The following NELL2 variants were observed in gnomAD, a reference collection of about 807,000 sequenced individuals.
NELL2 encodes protein kinase C-binding protein NELL2.
In NELL2, 41 loss-of-function variants were observed where a neutral mutation model predicts 109.6. The ratio of observed to expected loss-of-function variants is 0.37; its 90% CI spans 0.29 to 0.49. NELL2 has a LOEUF of 0.49. Ranked by LOEUF, NELL2 falls within the 20% of genes least tolerant of loss-of-function variation. The pLI, the probability that NELL2 is intolerant of heterozygous loss-of-function variation, is 0.98. For missense variants in NELL2, 900 were observed against 1,008.3 expected (o/e 0.89, Z 1.45); for synonymous variants, 355 against 344.7 (o/e 1.03, Z -0.33).
intron 3 of NELL2, among the ~76,000 whole-genome samples, chr12:44,792,443 G>A (rs1335665401): frequency 6.6e-6 from 1 of 151,638 alleles, no homozygotes; most frequent in Non-Finnish European, 1.5e-5. Flanking sequence ...AATTGAAAGA[G>A]AAAAGAAACT....
chr12:44,510,850 G>T (rs1289237488), intron 19 of NELL2, among the ~76,000 whole-genome samples: 1 of 152,116 alleles, frequency 6.6e-6, no homozygotes, highest in African/African-American at 2.4e-5. Flanking sequence ...GTCTGACAAA[G>T]GCCACTCTGA....
At chr12:44,904,062 T>TA (rs1190466293) in intron 1 of NELL2, among the ~76,000 whole-genome samples, 1 of 151,728 alleles carries the variant, frequency 6.6e-6, no homozygotes, top group Non-Finnish European at 1.5e-5. Context: ...AATTAAATTT[T>TA]AAAAAAACTT....
chr12:44,714,705 C>G lies in NELL2; in HGVS notation c.1031G>C (p.Gly344Ala). 6.2e-7 allele frequency: 1 copy of G among 1,603,130 alleles called. No homozygotes were observed. The highest frequency in any genetic ancestry group is 8.5e-7 in the Non-Finnish European group (1 of 1,175,762). ...CQFQGRTYFE[G>A]ERNTVYSSSG... ...AGAGGAATAGACTGTATTTCTTTCT[C>G]CTTCAAAGTAGGTTCGTCCTTGAAA... The change falls in exon 10 of 20, where the codon GGA becomes GCA. Residue 344 changes from glycine (G) to alanine (A), a missense_variant. Around this residue, in one of 4 missense-constraint regions of NELL2, gnomAD observed 292 missense variants for 265.3 expected, o/e 1.10. Transcript: ENST00000429094.
intron 13 of NELL2, among the ~76,000 whole-genome samples, chr12:44,619,972 A>T (rs1416169386): frequency 6.6e-6 from 1 of 152,182 alleles, no homozygotes; most frequent in Non-Finnish European, 1.5e-5. Flanking sequence ...TGGGCTCCAT[A>T]GTGAATCAAT....
At chr12:44,531,201 A>G (rs547587670) in intron 16 of NELL2, among the ~76,000 whole-genome samples, 2 of 152,352 alleles carry the variant, frequency 1.3e-5, no homozygotes, top group East Asian at 3.9e-4. Flanking sequence ...ATGAAGATGC[A>G]TACTCAGCTT....
intron 15 of NELL2, among the ~76,000 whole-genome samples, chr12:44,548,361 A>G (rs934262378): frequency 1.3e-5 from 2 of 152,072 alleles, no homozygotes; most frequent in Non-Finnish European, 2.9e-5. Flanking sequence ...TGGCCAACAT[A>G]GTGAAAACCA....
At chr12:44,719,728 A>G (rs1037074307) in intron 9 of NELL2, among the ~76,000 whole-genome samples, 1 of 152,104 alleles carries the variant, frequency 6.6e-6, no homozygotes, top group African/African-American at 2.4e-5. Context: ...TAGCTTTCCA[A>G]TGGTATTGTT....
intron 12 of NELL2, among the ~76,000 whole-genome samples, chr12:44,686,447 G>A (rs1006552630): frequency 3.9e-5 from 6 of 152,146 alleles, no homozygotes; most frequent in Non-Finnish European, 8.8e-5. Flanking sequence ...GCTTTATTCC[G>A]TTGCTGTTGA....
intron 2 of NELL2, 24 bp downstream of exon 2, chr12:44,875,201 G>A (rs1344916240): frequency 1.2e-6 from 2 of 1,601,490 alleles, no homozygotes; most frequent in African/African-American, 1.3e-5. Context: ...AAATCACAGT[G>A]GGGATGCAGC....
intron 13 of NELL2, among the ~76,000 whole-genome samples, chr12:44,623,067 G>T (rs184630954): frequency 6.6e-6 from 1 of 152,082 alleles, no homozygotes; most frequent in Non-Finnish European, 1.5e-5. Flanking sequence ...TTGCAGTGGT[G>T]TGTTTATTGA....
intron 12 of NELL2, among the ~76,000 whole-genome samples, chr12:44,702,959 T>G (rs1937641055): frequency 6.6e-6 from 1 of 152,152 alleles, no homozygotes; most frequent in African/African-American, 2.4e-5. Context: ...TCATGTGGAG[T>G]GGGTAAGTTT....
At chr12:44,513,077 T>C (rs1652635603) in intron 19 of NELL2, among the ~76,000 whole-genome samples, 1 of 151,994 alleles carries the variant, frequency 6.6e-6, no homozygotes. Context: ...CATAAATATG[T>C]GCAACCACTA....
intron 13 of NELL2, among the ~76,000 whole-genome samples, chr12:44,628,313 G>A (rs956157949): frequency 2.6e-5 from 4 of 152,112 alleles, no homozygotes; most frequent in Non-Finnish European, 5.9e-5. Flanking sequence ...CTTAGACTTT[G>A]CAGTTATCCA....
chr12:44,695,955 G>A (rs1447467423), intron 12 of NELL2, among the ~76,000 whole-genome samples: 2 of 152,190 alleles, frequency 1.3e-5, no homozygotes, highest in Admixed American at 6.5e-5. Context: ...CTGCACTCCA[G>A]CCTAGGCAAC....
intron 18 of NELL2, 136 bp downstream of exon 18, chr12:44,521,864 C>G (rs923478084): frequency 1.3e-6 from 1 of 798,530 alleles, no homozygotes; most frequent in Non-Finnish European, 2.0e-6. Flanking sequence ...ACCTCATCAT[C>G]CTAACCAGGC....
At chr12:44,729,855 G>A (rs778959870) in intron 9 of NELL2, among the ~76,000 whole-genome samples, 8 of 152,006 alleles carry the variant, frequency 5.3e-5, no homozygotes, top group Non-Finnish European at 8.8e-5. Flanking sequence ...GTGCAGTGGC[G>A]TGATCTCGCC....
chr12:44,608,524 A>G (rs188373065), intron 14 of NELL2, among the ~76,000 whole-genome samples: 32 of 152,128 alleles, frequency 2.1e-4, no homozygotes, highest in African/African-American at 7.2e-4. Context: ...ATATACAGGA[A>G]CCGAACAGTC....
chr12:44,644,580 G>GTATATATATATATA (rs138161908), intron 13 of NELL2, among the ~76,000 whole-genome samples: 149 of 84,202 alleles, frequency 1.8e-3, no homozygotes, highest in Non-Finnish European at 2.4e-3. Flanking sequence ...ACAAAGTAAA[G>GTATATATATATATA]TATATATATA....
chr12:44,827,468 C>CA lies in NELL2; in HGVS notation c.185-11333dup. Among the ~76,000 whole-genome samples the CA allele has an allele frequency of 2.7e-5, 4 of 150,826 alleles. 1 individual carries two copies. Among genetic ancestry groups the CA allele is most frequent in the Admixed American group, 2.6e-4 (4 of 15,122 alleles). On this transcript the variant is annotated intron_variant, in intron 2 of 19. Transcript: ENST00000429094. ...TCCCCAATTCCTTATCACTGGCCCC[C>CA]ACCCAACAATCCTTCCCAGCCTCTG...
Sources: gnomAD v4.1 joint callset for allele counts (sites outside exome capture counted in the v4.1 genomes callset) on GRCh38, gnomAD v4.1.1 for gene constraint, gnomAD v4.1.1 regional missense constraint, MANE v1.5 for transcripts, NCBI Gene and HGNC (gene_info 2026-07-23, HGNC 2026-07-21) for gene names.